NYAP2: variants seen among roughly 807,000 people sequenced by gnomAD.
NYAP2 encodes the protein neuronal tyrosine-phosphorylated phosphoinositide-3-kinase adaptor 2, also known as neuronal tyrosine-phosphorylated phosphoinositide-3-kinase adapter 2.
Under a neutral mutation model 50.4 loss-of-function variants are expected in NYAP2, and 23 were observed. That is an observed-to-expected ratio of 0.46 (90% CI 0.33 to 0.65). The LOEUF is 0.65. Ranked by LOEUF, NYAP2 falls within the 30% of genes least tolerant of loss-of-function variation. NYAP2 has a pLI of 0.02. For synonymous variants in NYAP2, 394 were observed against 365.2 expected (o/e 1.08, Z -0.90); for missense variants, 885 against 861.0 (o/e 1.03, Z -0.35).
chr2:225,420,974 G>T (rs1312159439), intron 3 of NYAP2, among the ~76,000 whole-genome samples: 1 of 151,708 alleles, frequency 6.6e-6, no homozygotes, highest in African/African-American at 2.4e-5. Context: ...CCAGGCTGGA[G>T]TGCAGTGGCA....
At chr2:225,673,760 C>T in the NYAP2 span, among the ~76,000 whole-genome samples, 2 of 152,108 alleles carry the variant, frequency 1.3e-5, no homozygotes, top group African/African-American at 4.8e-5. Flanking sequence ...GCTCAGTCTT[C>T]TTTGAGAAAT....
chr2:225,598,711 T>C lies in NYAP2; in HGVS notation c.1618+15676T>C, dbSNP rs73090841. Among the ~76,000 whole-genome samples, 1,414 of 152,348 alleles carry C rather than the reference T, an allele frequency of 9.3e-3. 39 individuals carry two copies. The highest frequency in any genetic ancestry group is 0.033 in the African/African-American group (1,354 of 41,586). ...ATGCATGATAAGTGACTATCCATAATGTTTTTTATATGTGAAAGGCTATAG... is the reference window on the plus strand; with the variant it reads ...ATGCATGATAAGTGACTATCCATAACGTTTTTTATATGTGAAAGGCTATAG... On this transcript the variant is annotated intron_variant, in intron 5 of 6. Coordinates refer to ENST00000636099, the Ensembl canonical transcript of NYAP2.
At chr2:225,609,268 C>T (rs1692840287) in intron 5 of NYAP2, among the ~76,000 whole-genome samples, 1 of 152,112 alleles carries the variant, frequency 6.6e-6, no homozygotes, top group South Asian at 2.1e-4. Context: ...AAGCTATAGT[C>T]AACTCCAGTC....
chr2:225,690,348 T>A, the NYAP2 span, among the ~76,000 whole-genome samples: 1 of 151,938 alleles, frequency 6.6e-6, no homozygotes, highest in Non-Finnish European at 1.5e-5. Context: ...TTACTGAATA[T>A]GCTGACAAGT....
intron 3 of NYAP2, among the ~76,000 whole-genome samples, chr2:225,498,361 T>C (rs568575585): frequency 5.3e-5 from 8 of 152,194 alleles, no homozygotes; most frequent in South Asian, 4.1e-4. Flanking sequence ...ATTTTTTTTT[T>C]CCTCAAATAG....
intron 5 of NYAP2, among the ~76,000 whole-genome samples, chr2:225,608,060 T>C (rs946599453): frequency 1.3e-5 from 2 of 152,108 alleles, no homozygotes; most frequent in African/African-American, 2.4e-5. Flanking sequence ...ATGAGGTTGG[T>C]TAACAAAAAA....
At chr2:225,678,753 A>G in the NYAP2 span, among the ~76,000 whole-genome samples, 5 of 152,164 alleles carry the variant, frequency 3.3e-5, no homozygotes, top group Non-Finnish European at 7.4e-5. Context: ...ATACTAACTT[A>G]TGAAATGCAT....
intron 5 of NYAP2, among the ~76,000 whole-genome samples, chr2:225,598,099 T>C (rs1692636235): frequency 6.6e-6 from 1 of 152,154 alleles, no homozygotes; most frequent in African/African-American, 2.4e-5. Flanking sequence ...TGCTGAATGC[T>C]ATCTAAGCCT....
At chr2:225,516,046 G>A (rs572207475) in intron 4 of NYAP2, among the ~76,000 whole-genome samples, 79 of 152,240 alleles carry the variant, frequency 5.2e-4, no homozygotes, top group African/African-American at 1.7e-3. Flanking sequence ...CAGAAAAGCC[G>A]CCTTCGTGGA....
At chr2:225,546,282 G>C (rs758865516) in intron 4 of NYAP2, among the ~76,000 whole-genome samples, 2 of 152,082 alleles carry the variant, frequency 1.3e-5, no homozygotes, top group African/African-American at 4.8e-5. Flanking sequence ...GACAAGTTCC[G>C]CTGGGCCCCA....
intron 3 of NYAP2, among the ~76,000 whole-genome samples, chr2:225,421,512 A>T (rs1321770930): frequency 6.6e-6 from 1 of 152,232 alleles, no homozygotes; most frequent in East Asian, 1.9e-4. Flanking sequence ...ATCTATAGTG[A>T]TCAGAGCACA....
chr2:225,527,042 G>A (rs1389802502), intron 4 of NYAP2, among the ~76,000 whole-genome samples: 1 of 152,108 alleles, frequency 6.6e-6, no homozygotes, highest in African/African-American at 2.4e-5. Flanking sequence ...TGCAAGTCAA[G>A]TCATCATGCA....
chr2:225,590,700 A>T (rs1353525535), intron 5 of NYAP2, among the ~76,000 whole-genome samples: 1 of 152,244 alleles, frequency 6.6e-6, no homozygotes, highest in Admixed American at 6.5e-5. Flanking sequence ...AGACAACTCA[A>T]AATGAGTGAC....
At chr2:225,468,078 T>C (rs1483461615) in intron 3 of NYAP2, among the ~76,000 whole-genome samples, 1 of 152,202 alleles carries the variant, frequency 6.6e-6, no homozygotes, top group Admixed American at 6.5e-5. Context: ...TAGGGAAATG[T>C]TTGGATTGAA....
At chr2:225,625,471 T>G (rs1487298982) in intron 5 of NYAP2, among the ~76,000 whole-genome samples, 1 of 152,120 alleles carries the variant, frequency 6.6e-6, no homozygotes, top group East Asian at 1.9e-4. Context: ...AGTGCAGAGA[T>G]GACCATGACC....
intron 2 of NYAP2, among the ~76,000 whole-genome samples, chr2:225,408,358 A>G (rs1341591073): frequency 1.3e-5 from 2 of 152,032 alleles, no homozygotes; most frequent in Admixed American, 6.6e-5. Context: ...CTACTACTAT[A>G]TTTTGCATAC....
chr2:225,398,826 GC>G (rs1362197458), upstream of NYAP2, among the ~76,000 whole-genome samples: 1 of 151,966 alleles, frequency 6.6e-6, no homozygotes, highest in East Asian at 1.9e-4. Context: ...TAAGTGATGA[GC>G]TTCAGGAATG....
At chr2:225,627,704 G>A (rs1000859031) in intron 6 of NYAP2, among the ~76,000 whole-genome samples, 2 of 152,180 alleles carry the variant, frequency 1.3e-5, no homozygotes, top group Non-Finnish European at 2.9e-5. Flanking sequence ...ACCTTTAAAT[G>A]TCACAAGTTA....
intron 3 of NYAP2, among the ~76,000 whole-genome samples, chr2:225,414,952 T>G (rs544140774): frequency 6.6e-6 from 1 of 152,172 alleles, no homozygotes; most frequent in Non-Finnish European, 1.5e-5. Flanking sequence ...GAGCATCATA[T>G]CTACCATAGG....
Sources: gnomAD v4.1 joint callset for allele counts (sites outside exome capture counted in the v4.1 genomes callset) on GRCh38, gnomAD v4.1.1 for gene constraint, MANE v1.5 for transcripts, NCBI Gene and HGNC (gene_info 2026-07-23, HGNC 2026-07-21) for gene names.